The following PARD3 variants were observed in gnomAD, a reference collection of about 807,000 sequenced individuals.
PARD3 encodes the protein partitioning defective 3 homolog.
A neutral mutation model predicts 155.4 loss-of-function variants in PARD3; 75 were observed. The observed-to-expected ratio is 0.48, with a 90% CI of 0.40 to 0.58. The LOEUF is 0.58. PARD3 is among the 20% of genes least tolerant of loss of function. The pLI is 0.00. For synonymous variants in PARD3, 576 were observed against 610.5 expected, an observed-to-expected ratio of 0.94 and a Z score of 0.83; for missense variants, 1,642 against 1,721.7, an observed-to-expected ratio of 0.95 and a Z score of 0.82.
intron 22 of PARD3, among the ~76,000 whole-genome samples, chr10:34,251,694 A>G (rs1263359075): frequency 6.6e-6 from 1 of 152,212 alleles, no homozygotes; most frequent in Non-Finnish European, 1.5e-5. Flanking sequence ...TAAGAAACCT[A>G]CAAGAATTAT....
chr10:34,543,081 T>C (rs1205299335), intron 2 of PARD3, among the ~76,000 whole-genome samples: 2 of 149,834 alleles, frequency 1.3e-5, no homozygotes, highest in Non-Finnish European at 3.0e-5. Flanking sequence ...ATAAGGAATA[T>C]TCTGACTTTT....
intron 1 of PARD3, among the ~76,000 whole-genome samples, chr10:34,735,069 CA>C (rs1433678111): frequency 6.7e-6 from 1 of 148,342 alleles, no homozygotes; most frequent in East Asian, 2.0e-4. Context: ...TGTGAGAAAA[CA>C]GTAAAATTCC....
chr10:34,668,117 GA>G (rs1164699822), intron 2 of PARD3, among the ~76,000 whole-genome samples: 2 of 151,948 alleles, frequency 1.3e-5, no homozygotes, highest in Non-Finnish European at 2.9e-5. Context: ...GTAAATGCAA[GA>G]AAAAAACAGC....
intron 2 of PARD3, among the ~76,000 whole-genome samples, chr10:34,608,590 A>G (rs1029107319): frequency 6.9e-6 from 1 of 144,352 alleles, no homozygotes; most frequent in Admixed American, 7.0e-5. Flanking sequence ...GCTGGAGTGC[A>G]ATGGCCCGAT....
chr10:34,331,107 A>G lies in PARD3; in HGVS notation c.2833+10T>C. 6.3e-7 allele frequency: 1 copy of G among 1,597,428 alleles called. No homozygotes were observed. The highest frequency in any genetic ancestry group is 8.6e-7 in the Non-Finnish European group (1 of 1,164,870). The stretch of plus-strand genomic sequence containing the variant: ...TTTAATTATTATTCTTTCAGCCATT[A>G]TAAACTTACAGGTCTCCATGCCTTC... On this transcript the variant is annotated intron_variant, in intron 19 of 24. Transcript: ENST00000374788.
intron 16 of PARD3, among the ~76,000 whole-genome samples, chr10:34,340,386 T>C (rs944208462): frequency 6.6e-6 from 1 of 152,194 alleles, no homozygotes; most frequent in Non-Finnish European, 1.5e-5. Context: ...CAGCAGTCAA[T>C]GTAACACCAT....
chr10:34,343,067 A>C (rs1212129586), intron 15 of PARD3, among the ~76,000 whole-genome samples: 1 of 152,220 alleles, frequency 6.6e-6, no homozygotes, highest in Admixed American at 6.5e-5. Context: ...AAACCTGTTC[A>C]GCAAAAGTGT....
At chr10:34,442,232 C>G (rs781290386) in intron 5 of PARD3, among the ~76,000 whole-genome samples, 24 of 152,036 alleles carry the variant, frequency 1.6e-4, no homozygotes, top group Non-Finnish European at 2.9e-4. Flanking sequence ...TTAACAAACC[C>G]AAAAAACCCA....
chr10:34,389,127 A>G (rs1174291166), intron 7 of PARD3, among the ~76,000 whole-genome samples: 3 of 152,068 alleles, frequency 2.0e-5, no homozygotes. Context: ...ATTTGAAAAG[A>G]AGAAAACACT....
rs1049085179 is a variant in PARD3 at position 34,374,952 on chromosome 10, C to T, written c.1590G>A (p.Leu530=). ...TTCCTTCCATCTTGGTGCTTCTCAA[C>T]AGCGAAACAACTTCCTCTTGGGATT... is the stretch of plus-strand genomic sequence containing the variant. The part of the protein sequence containing the change: ...VGKSQEEVVS[L]LRSTKMEGTV... Residue 530 remains leucine (L), a synonymous_variant, in exon 11 of 25, where the codon CTG becomes CTA. Coordinates refer to ENST00000374788, the MANE Select transcript of PARD3 (RefSeq NM_001184785.2). The T allele has an allele frequency of 7.4e-6, 12 of 1,613,736 alleles. No individual in the cohort carries two copies. Among genetic ancestry groups the T allele is most frequent in the African/African-American group, 1.3e-5 (1 of 74,860 alleles).
intron 2 of PARD3, among the ~76,000 whole-genome samples, chr10:34,572,982 A>G (rs1180572818): frequency 1.3e-5 from 2 of 152,204 alleles, no homozygotes; most frequent in African/African-American, 4.8e-5. Flanking sequence ...TCTACCTTAC[A>G]TATTTTCTAG....
chr10:34,657,923 G>A (rs1024207995), intron 2 of PARD3, among the ~76,000 whole-genome samples: 6 of 151,980 alleles, frequency 3.9e-5, no homozygotes, highest in African/African-American at 1.4e-4. Context: ...GAGGTGGGCG[G>A]ATCACGAGGT....
At chr10:34,458,998 A>G (rs535258123) in intron 4 of PARD3, among the ~76,000 whole-genome samples, 1 of 152,342 alleles carries the variant, frequency 6.6e-6, no homozygotes, top group South Asian at 2.1e-4. Flanking sequence ...TTCGGGTTCA[A>G]TTAAATCTTG....
At chr10:34,358,808 A>G (rs1275531994) in intron 14 of PARD3, among the ~76,000 whole-genome samples, 3 of 152,220 alleles carry the variant, frequency 2.0e-5, no homozygotes, top group Non-Finnish European at 4.4e-5. Context: ...TTCACCTCCC[A>G]GGTATAACTC....
intron 22 of PARD3, among the ~76,000 whole-genome samples, chr10:34,247,905 G>A (rs11009694): frequency 0.055 from 8,394 of 152,112 alleles, 697 homozygotes; most frequent in African/African-American, 0.18. Context: ...CATTTTTTAC[G>A]TTCAAGTATT....
chr10:34,697,684 G>T (rs1160157002), intron 1 of PARD3, among the ~76,000 whole-genome samples: 2 of 152,024 alleles, frequency 1.3e-5, no homozygotes, highest in Non-Finnish European at 2.9e-5. Context: ...GCAAGTAACA[G>T]AGTTCCTCTG....
intron 1 of PARD3, among the ~76,000 whole-genome samples, chr10:34,791,646 T>A (rs1331609084): frequency 6.6e-6 from 1 of 152,096 alleles, no homozygotes; most frequent in Non-Finnish European, 1.5e-5. Context: ...GAGGCCCAGC[T>A]GTGACAATCG....
intron 22 of PARD3, among the ~76,000 whole-genome samples, chr10:34,254,708 C>T (rs1412240450): frequency 6.6e-6 from 1 of 152,106 alleles, no homozygotes; most frequent in African/African-American, 2.4e-5. Context: ...TCACTCTGTA[C>T]ACAATGTATT....
chr10:34,530,435 C>CATG (rs1228963907), intron 2 of PARD3, among the ~76,000 whole-genome samples: 4 of 152,196 alleles, frequency 2.6e-5, no homozygotes, highest in Admixed American at 2.0e-4. Flanking sequence ...TCTTCTTCCT[C>CATG]ATGATCAGGC....
Sources: allele counts gnomAD v4.1 joint callset (sites outside exome capture counted in the v4.1 genomes callset), GRCh38; gene constraint gnomAD v4.1.1; transcripts MANE v1.5; gene names NCBI Gene and HGNC (gene_info 2026-07-23, HGNC 2026-07-21).